XYLB: variants seen among roughly 807,000 people sequenced by gnomAD.
XYLB encodes the protein xylulokinase.
In XYLB, 62 loss-of-function variants were observed where a neutral mutation model predicts 78.7. The observed-to-expected ratio is 0.79, with a 90% CI of 0.64 to 0.97. XYLB has a LOEUF of 0.97. Among genes scored for constraint, XYLB ranks in the 50% least tolerant of loss-of-function variants. The pLI is 0.00. For synonymous variants in XYLB, 245 were observed against 247.4 expected, an observed-to-expected ratio of 0.99 and a Z score of 0.09; for missense variants, 687 against 676.8, an observed-to-expected ratio of 1.02 and a Z score of -0.17.
chr3:38,370,447 T>TA (rs1259038878), intron 9 of XYLB, among the ~76,000 whole-genome samples: 1 of 152,058 alleles, frequency 6.6e-6, no homozygotes, highest in Admixed American at 6.5e-5. Context: ...AGAATAGGGA[T>TA]AAAAATGGCA....
intron 2 of XYLB, among the ~76,000 whole-genome samples, chr3:38,349,454 G>A (rs1705239641): frequency 1.3e-5 from 2 of 152,200 alleles, no homozygotes; most frequent in African/African-American, 4.8e-5. Flanking sequence ...AGCATTGCTG[G>A]AATGGACGTG....
rs530844186 is a variant in XYLB, at chr3:38,348,751, C to T, written c.140+119C>T. 1.6e-4 allele frequency: 138 copies of T among 842,126 alleles called. 1 individual carries two copies. The highest frequency in any genetic ancestry group is 1.6e-3 in the African/African-American group (95 of 59,340). 52.2% of individuals were successfully genotyped at this position (842,126 alleles called of 1,614,324 possible). A position where few individuals can be genotyped will look rare whatever the true frequency, so the allele number is the denominator to read the frequency against. On this transcript the variant is annotated intron_variant, in intron 2 of 18. Coordinates refer to ENST00000207870, the MANE Select transcript of XYLB (RefSeq NM_005108.4). ...TTGCCAAATACAGGAGTGGTGGTCTCGGCAGACCTTTCAAGCATCTTTTTT... is the reference window on the plus strand; with the variant it reads ...TTGCCAAATACAGGAGTGGTGGTCTTGGCAGACCTTTCAAGCATCTTTTTT...
chr3:38,373,204 C>G (rs1359264785), intron 10 of XYLB, among the ~76,000 whole-genome samples: 1 of 152,172 alleles, frequency 6.6e-6, no homozygotes, highest in East Asian at 1.9e-4. Context: ...CTAGCCTCTT[C>G]TCTTCCTCCT....
chr3:38,441,616 G>C, the XYLB span, among the ~76,000 whole-genome samples: 4 of 152,150 alleles, frequency 2.6e-5, no homozygotes, highest in Non-Finnish European at 4.4e-5. Flanking sequence ...AGTAGCTCCT[G>C]GTATCTAAGC....
intron 2 of XYLB, 79 bp downstream of exon 2, chr3:38,348,711 C>A: frequency 1.5e-6 from 2 of 1,345,864 alleles, no homozygotes; most frequent in Non-Finnish European, 2.1e-6. Flanking sequence ...ATTCGCAGAC[C>A]GCACTGTTGA....
intron 18 of XYLB, among the ~76,000 whole-genome samples, chr3:38,410,954 A>G (rs372062051): frequency 6.6e-6 from 1 of 152,160 alleles, no homozygotes; most frequent in East Asian, 1.9e-4. Context: ...TAGTTCAACC[A>G]TTGTGGAAGT....
chr3:38,447,867 A>G, the XYLB span, among the ~76,000 whole-genome samples: 1 of 152,202 alleles, frequency 6.6e-6, no homozygotes, highest in Non-Finnish European at 1.5e-5. Context: ...TCAACGGATG[A>G]ACAGATAAAG....
intron 13 of XYLB, 35 bp downstream of exon 13, chr3:38,376,267 G>A: frequency 6.7e-7 from 1 of 1,483,870 alleles, no homozygotes; most frequent in Non-Finnish European, 9.4e-7. Flanking sequence ...CCTGTGAAGG[G>A]TCAGCAGCTG....
chr3:38,412,326 T>C lies in XYLB; in HGVS notation c.1534-610T>C, dbSNP rs563560052. On this transcript the variant is annotated intron_variant, in intron 18 of 18. Coordinates refer to ENST00000207870, the MANE Select transcript of XYLB (RefSeq NM_005108.4). ...TGTTTGTGCCTGGGCTGTAACCTGG[T>C]TGGGAGGCAAAGAGACCCTCTCCTG... Among the ~76,000 whole-genome samples, 122 of 152,238 alleles carry C rather than the reference T, an allele frequency of 8.0e-4. 3 individuals carry two copies. The South Asian group carries it at 0.025, about 32-fold the overall frequency.
At chr3:38,366,144 G>A (rs1360905777) in intron 6 of XYLB, among the ~76,000 whole-genome samples, 1 of 151,494 alleles carries the variant, frequency 6.6e-6, no homozygotes, top group Non-Finnish European at 1.5e-5. Context: ...AAATAATAGT[G>A]TCTCTGTTCC....
downstream of XYLB, among the ~76,000 whole-genome samples, chr3:38,422,802 T>C (rs774775353): frequency 4.6e-5 from 7 of 152,004 alleles, no homozygotes; most frequent in Non-Finnish European, 7.4e-5. Context: ...GGCATGGGAT[T>C]AGAAAAAAAT....
At chr3:38,377,456 T>TC (rs1286822692) in intron 14 of XYLB, among the ~76,000 whole-genome samples, 2 of 151,188 alleles carry the variant, frequency 1.3e-5, no homozygotes, top group Non-Finnish European at 2.9e-5. Context: ...TTTTTTTTTT[T>TC]TAATTTTTTG....
chr3:38,418,695 C>T (rs1285340759), downstream of XYLB, among the ~76,000 whole-genome samples: 2 of 152,154 alleles, frequency 1.3e-5, no homozygotes, highest in African/African-American at 4.8e-5. Context: ...TTTTATTCCA[C>T]TTAACAAAGT....
chr3:38,397,236 G>T, intron 17 of XYLB, 77 bp downstream of exon 17: 1 of 1,351,042 alleles, frequency 7.4e-7, no homozygotes, highest in Non-Finnish European at 1.1e-6. Flanking sequence ...GGAAAGGGGA[G>T]AGTGAGGTGT....
At chr3:38,419,710 G>A (rs1708917836), downstream of XYLB, among the ~76,000 whole-genome samples, 1 of 149,714 alleles carries the variant, frequency 6.7e-6, no homozygotes, top group Admixed American at 6.7e-5. Flanking sequence ...TTTGCCGTTT[G>A]TACACATTTA....
chr3:38,397,987 T>C (rs530973960), intron 17 of XYLB, among the ~76,000 whole-genome samples: 3 of 150,998 alleles, frequency 2.0e-5, no homozygotes, highest in African/African-American at 7.3e-5. Context: ...CCCAGCTAAT[T>C]TTTTGTATTT....
At chr3:38,432,618 A>G in the XYLB span, among the ~76,000 whole-genome samples, 10,491 of 152,216 alleles carry the variant, frequency 0.069, 398 homozygotes, top group Middle Eastern at 0.17. Flanking sequence ...GGGTAAATAT[A>G]CCTGTTCTAA....
At chr3:38,416,469 A>C (rs1708797779), downstream of XYLB, among the ~76,000 whole-genome samples, 1 of 152,204 alleles carries the variant, frequency 6.6e-6, no homozygotes, top group Non-Finnish European at 1.5e-5. Context: ...CATACAGTAA[A>C]TATATTAAGT....
chr3:38,424,803 A>G (rs1306031989), downstream of XYLB, among the ~76,000 whole-genome samples: 1 of 152,228 alleles, frequency 6.6e-6, no homozygotes, highest in East Asian at 1.9e-4. Context: ...CCAATTGCAA[A>G]CAGCAGTTAA....
Sources: gnomAD v4.1 joint callset for allele counts (sites outside exome capture counted in the v4.1 genomes callset) on GRCh38, gnomAD v4.1.1 for gene constraint, MANE v1.5 for transcripts, NCBI Gene and HGNC (gene_info 2026-07-23, HGNC 2026-07-21) for gene names.